DOCK1: variants seen among roughly 807,000 people sequenced by gnomAD.
The protein encoded by DOCK1 is dedicator of cytokinesis protein 1.
A neutral mutation model predicts 262.7 loss-of-function variants in DOCK1; 138 were observed. That is an observed-to-expected ratio of 0.53 (90% CI 0.46 to 0.61). The LOEUF is 0.61. Ranked by LOEUF, DOCK1 falls within the 20% of genes least tolerant of loss-of-function variation. The probability of loss-of-function intolerance (pLI) is 0.00; values close to 1 mark genes in which losing one functional copy is unlikely to be tolerated. For synonymous variants in DOCK1, 866 were observed against 867.4 expected, an observed-to-expected ratio of 1.00 and a Z score of 0.03; for missense variants, 1,908 against 2,370.7, an observed-to-expected ratio of 0.80 and a Z score of 4.05.
At chr10:127,364,983 G>A (rs1374202047) in intron 33 of DOCK1, among the ~76,000 whole-genome samples, 2 of 152,080 alleles carry the variant, frequency 1.3e-5, no homozygotes, top group Non-Finnish European at 1.5e-5. Flanking sequence ...GTCAGTCTGT[G>A]TATATACAAA....
chr10:127,040,407 C>T (rs777399659), intron 19 of DOCK1, among the ~76,000 whole-genome samples: 9 of 152,196 alleles, frequency 5.9e-5, no homozygotes, highest in Non-Finnish European at 1.3e-4. Flanking sequence ...GAGGATTTTA[C>T]TCCTTAAAGG....
intron 2 of DOCK1, among the ~76,000 whole-genome samples, chr10:126,972,695 A>G (rs1176884879): frequency 6.6e-6 from 1 of 152,032 alleles, no homozygotes; most frequent in Non-Finnish European, 1.5e-5. Context: ...AACTGTGACC[A>G]GCTCCTGGTA....
At chr10:127,319,013 C>G (rs1454289177) in intron 29 of DOCK1, among the ~76,000 whole-genome samples, 1 of 152,208 alleles carries the variant, frequency 6.6e-6, no homozygotes, top group African/African-American at 2.4e-5. Flanking sequence ...CTGTGACTTG[C>G]TCTGACACCC....
rs187602321 is a variant in DOCK1 at position 127,136,175 on chromosome 10, G to A, written c.2847+8411G>A. 1.8e-3 allele frequency: 276 copies of A among 152,192 alleles called. 1 individual carries two copies. Among genetic ancestry groups the A allele is most frequent in the African/African-American group, 6.4e-3 (266 of 41,522 alleles). 9.4% of individuals were successfully genotyped at this position (152,192 alleles called of 1,614,324 possible). ...TTTGGCCCCCGAAGAATGTTTACAC[G>A]ACATACTCTTCATTTTTTTTTCAAG... is the stretch of plus-strand genomic sequence containing the variant. On this transcript the variant is annotated intron_variant, in intron 27 of 51. Transcript: ENST00000623213.
intron 1 of DOCK1, among the ~76,000 whole-genome samples, chr10:126,963,017 T>G (rs1180793199): frequency 3.3e-5 from 5 of 152,262 alleles, no homozygotes; most frequent in Admixed American, 6.5e-5. Context: ...GGCATCCTTG[T>G]TGAAATCATT....
At chr10:127,409,227 T>G (rs1339098706) in intron 41 of DOCK1, 49 bp downstream of exon 41, 1 of 1,612,090 alleles carries the variant, frequency 6.2e-7, no homozygotes, top group Non-Finnish European at 8.5e-7. Flanking sequence ...GTGATGCCAT[T>G]CATTTGGGTG....
intron 32 of DOCK1, among the ~76,000 whole-genome samples, chr10:127,359,609 T>G (rs1398731305): frequency 1.3e-5 from 2 of 152,242 alleles, no homozygotes; most frequent in East Asian, 3.9e-4. Flanking sequence ...TCAGAAACAT[T>G]AAGCATTTGG....
At chr10:126,906,116 G>T (rs1159567948) in intron 1 of DOCK1, among the ~76,000 whole-genome samples, 2 of 152,342 alleles carry the variant, frequency 1.3e-5, no homozygotes, top group Admixed American at 1.3e-4. Flanking sequence ...CCCCTCGGCG[G>T]TCTCGCTGGG....
intron 29 of DOCK1, among the ~76,000 whole-genome samples, chr10:127,270,886 A>G (rs1356346618): frequency 6.6e-6 from 1 of 152,094 alleles, no homozygotes; most frequent in African/African-American, 2.4e-5. Context: ...CCTTTCCTTA[A>G]TATCTGATTA....
intron 29 of DOCK1, among the ~76,000 whole-genome samples, chr10:127,319,382 C>T (rs903487732): frequency 1.3e-5 from 2 of 152,198 alleles, no homozygotes; most frequent in African/African-American, 4.8e-5. Flanking sequence ...TTAATCTCTG[C>T]AATACAGATT....
At chr10:127,343,144 C>T (rs1422230640) in intron 30 of DOCK1, among the ~76,000 whole-genome samples, 1 of 152,132 alleles carries the variant, frequency 6.6e-6, no homozygotes, top group African/African-American at 2.4e-5. Flanking sequence ...ACTCAGGAGG[C>T]TGAGGCAGGA....
At chr10:127,216,859 G>A (rs768668527) in intron 27 of DOCK1, among the ~76,000 whole-genome samples, 2 of 152,090 alleles carry the variant, frequency 1.3e-5, no homozygotes, top group Admixed American at 6.6e-5. Context: ...GTAGAAAGTC[G>A]TTTTACCACA....
chr10:127,180,419 G>A (rs2055614233), intron 27 of DOCK1, among the ~76,000 whole-genome samples: 1 of 152,184 alleles, frequency 6.6e-6, no homozygotes. Flanking sequence ...TTTTTCGTAA[G>A]AAAATTGTGT....
chr10:127,291,736 C>T (rs774064502), intron 29 of DOCK1, among the ~76,000 whole-genome samples: 5 of 152,214 alleles, frequency 3.3e-5, no homozygotes, highest in East Asian at 3.9e-4. Flanking sequence ...CCTTTCTGCT[C>T]TCCTGTTGCG....
intron 27 of DOCK1, chr10:127,192,710 CTTAG>C (rs1421541770): frequency 2.6e-5 from 4 of 152,134 alleles, no homozygotes; most frequent in Non-Finnish European, 5.9e-5. Flanking sequence ...CTGGAGATAC[CTTAG>C]TTAGTGCCTT....
chr10:127,193,959 T>C (rs906271895), intron 27 of DOCK1, among the ~76,000 whole-genome samples: 1 of 152,192 alleles, frequency 6.6e-6, no homozygotes, highest in African/African-American at 2.4e-5. Flanking sequence ...AGTAATTCTG[T>C]TTCTTAATAG....
chr10:127,419,571 C>T, intron 45 of DOCK1, 95 bp from the exon 46 acceptor site: 1 of 1,196,592 alleles, frequency 8.4e-7, no homozygotes, highest in Non-Finnish European at 1.2e-6. Context: ...CTGTTTTATG[C>T]ACAGCTCTAT....
intron 2 of DOCK1, among the ~76,000 whole-genome samples, chr10:126,973,605 A>G (rs181447007): frequency 9.2e-5 from 14 of 152,354 alleles, no homozygotes; most frequent in Admixed American, 7.2e-4. Context: ...TTAGCATAAA[A>G]TGAATTTCCG....
intron 47 of DOCK1, among the ~76,000 whole-genome samples, chr10:127,432,381 G>GC (rs1345363445): frequency 6.6e-6 from 1 of 151,742 alleles, no homozygotes; most frequent in Non-Finnish European, 1.5e-5. Flanking sequence ...ATGGTCCACA[G>GC]CAGGTCTTCT....
Sources: gnomAD v4.1 joint callset for allele counts (sites outside exome capture counted in the v4.1 genomes callset) on GRCh38, gnomAD v4.1.1 for gene constraint, MANE v1.5 for transcripts, NCBI Gene and HGNC (gene_info 2026-07-23, HGNC 2026-07-21) for gene names.